The following PPCDC variants were observed in gnomAD, a reference collection of about 807,000 sequenced individuals.
The protein encoded by PPCDC is phosphopantothenoylcysteine decarboxylase.
Under a neutral mutation model 20.7 loss-of-function variants are expected in PPCDC, and 20 were observed. The ratio of observed to expected loss-of-function variants is 0.97; its 90% CI spans 0.68 to 1.41. The LOEUF (loss-of-function observed/expected upper bound fraction) is 1.41. Ranked by LOEUF, PPCDC falls within the 40% of genes most tolerant of loss-of-function variation. The pLI, the probability that PPCDC is intolerant of heterozygous loss-of-function variation, is 0.00. For synonymous variants in PPCDC, 88 were observed against 100.3 expected (o/e 0.88, Z 0.73); for missense variants, 246 against 263.8 (o/e 0.93, Z 0.47).
At chr15:75,041,776 G>C (rs887492179) in intron 2 of PPCDC, among the ~76,000 whole-genome samples, 7 of 152,324 alleles carry the variant, frequency 4.6e-5, no homozygotes, top group African/African-American at 1.2e-4. Context: ...TTCTTCCTCA[G>C]TCTTCTTCTC....
chr15:75,025,334 AG>A (rs1220445810), intron 1 of PPCDC, among the ~76,000 whole-genome samples: 2 of 152,196 alleles, frequency 1.3e-5, no homozygotes, highest in Non-Finnish European at 2.9e-5. Context: ...TCTTAGGCTC[AG>A]TTCTCATCCT....
At chr15:75,039,863 CA>C (rs1595907402) in intron 2 of PPCDC, among the ~76,000 whole-genome samples, 2 of 151,668 alleles carry the variant, frequency 1.3e-5, no homozygotes. Context: ...CAGCTCACTG[CA>C]ACCTCCACCT....
chr15:75,031,954 G>T (rs1342401651), intron 2 of PPCDC, among the ~76,000 whole-genome samples: 1 of 152,148 alleles, frequency 6.6e-6, no homozygotes, highest in Non-Finnish European at 1.5e-5. Context: ...GATAATAAAA[G>T]ATGCCTCAGC....
At chr15:75,026,425 G>A (rs777827216) in intron 1 of PPCDC, among the ~76,000 whole-genome samples, 3 of 152,234 alleles carry the variant, frequency 2.0e-5, no homozygotes, top group Non-Finnish European at 2.9e-5. Context: ...TTGGGGCCCT[G>A]CAGTGGAGCA....
At chr15:75,033,930 G>A (rs946269474) in intron 2 of PPCDC, among the ~76,000 whole-genome samples, 1 of 152,154 alleles carries the variant, frequency 6.6e-6, no homozygotes, top group African/African-American at 2.4e-5. Context: ...TCTGAAGTTG[G>A]GGAAGCACAC....
intron 2 of PPCDC, among the ~76,000 whole-genome samples, chr15:75,042,611 C>CCA (rs1392751337): frequency 6.7e-6 from 1 of 148,768 alleles, no homozygotes; most frequent in Non-Finnish European, 1.5e-5. Context: ...CGAGATCATA[C>CCA]CACTGCACTC....
chr15:75,038,868 C>G (rs1567056703), intron 2 of PPCDC, among the ~76,000 whole-genome samples: 1 of 150,682 alleles, frequency 6.6e-6, no homozygotes, highest in Non-Finnish European at 1.5e-5. Flanking sequence ...GTTTCTTTAT[C>G]TTTTTTTTTC....
At chr15:75,029,633 A>G (rs993561409) in intron 2 of PPCDC, among the ~76,000 whole-genome samples, 2 of 152,150 alleles carry the variant, frequency 1.3e-5, no homozygotes, top group African/African-American at 4.8e-5. Flanking sequence ...CAGCCAGGCC[A>G]GAGTGGGGGA....
intron 1 of PPCDC, 118 bp downstream of exon 1, chr15:75,023,744 CCT>C (rs2065931240): frequency 1.3e-5 from 2 of 152,362 alleles, no homozygotes; most frequent in South Asian, 4.1e-4. Flanking sequence ...CTTATTTTCC[CCT>C]GTGTGCCCAT....
In PPCDC at chr15:75,025,703, A is replaced by G. The variant is rs1042385240; in HGVS notation, c.-73+2077A>G. ...GCTCAGGAGTTCCTGTGAATTCAGCAGAGCCCGGGGAAGTCAGGTACTACA... is the reference window on the plus strand; with the variant it reads ...GCTCAGGAGTTCCTGTGAATTCAGCGGAGCCCGGGGAAGTCAGGTACTACA... On this transcript the variant is annotated intron_variant, in intron 1 of 5. Coordinates refer to ENST00000342932, the MANE Select transcript of PPCDC (RefSeq NM_021823.5). Among the ~76,000 whole-genome samples the G allele has an allele frequency of 2.2e-4, 34 of 152,210 alleles. 1 individual carries two copies. Among genetic ancestry groups the G allele is most frequent in the African/African-American group, 7.7e-4 (32 of 41,458 alleles).
At chr15:75,026,078 C>G (rs982758830) in intron 1 of PPCDC, among the ~76,000 whole-genome samples, 1 of 152,088 alleles carries the variant, frequency 6.6e-6, no homozygotes, top group Non-Finnish European at 1.5e-5. Context: ...GATTCCTGCC[C>G]CAAGTTTAAC....
intron 1 of PPCDC, among the ~76,000 whole-genome samples, chr15:75,027,438 G>C (rs2065971464): frequency 6.6e-6 from 1 of 152,112 alleles, no homozygotes; most frequent in Non-Finnish European, 1.5e-5. Flanking sequence ...GGGGTGGCCT[G>C]CATCCCCTTT....
At chr15:75,044,931 G>T in intron 4 of PPCDC, 1 of 190,772 alleles carries the variant, frequency 5.2e-6, no homozygotes, top group Non-Finnish European at 1.1e-5. Flanking sequence ...TGTAATTGGG[G>T]GTTCACTTCT....
chr15:75,045,336 G>A (rs556828960), intron 4 of PPCDC, among the ~76,000 whole-genome samples: 6 of 152,336 alleles, frequency 3.9e-5, no homozygotes, highest in East Asian at 1.9e-4. Flanking sequence ...CACCCATGCC[G>A]TTGGGAAGGG....
chr15:75,048,887 AG>A (rs2066276282), intron 5 of PPCDC, among the ~76,000 whole-genome samples, 166 bp downstream of exon 5: 1 of 152,184 alleles, frequency 6.6e-6, no homozygotes. Flanking sequence ...CCAGATTGGT[AG>A]GGTAAAATGG....
intron 2 of PPCDC, among the ~76,000 whole-genome samples, chr15:75,029,955 C>G (rs957760674): frequency 6.6e-6 from 1 of 152,226 alleles, no homozygotes; most frequent in African/African-American, 2.4e-5. Flanking sequence ...CCATCCCACG[C>G]AGCCAGCGTT....
rs369337100 is a variant in PPCDC, at chr15:75,049,286, C to T, written c.*51C>T. 44 of 1,552,768 alleles carry T rather than the reference C, an allele frequency of 2.8e-5. No individual in the cohort carries two copies. The Admixed American group carries it at 5.8e-4, about 20-fold the overall frequency. Reference sequence around the variant, plus strand: ...CTCTGTACTCAGAATGGGTTCAGGCCAAGTCGGTGAAGATGGATGTTGGCA... The same window carrying T: ...CTCTGTACTCAGAATGGGTTCAGGCTAAGTCGGTGAAGATGGATGTTGGCA... On this transcript the variant is annotated 3_prime_UTR_variant, in exon 6 of 6. Transcript: ENST00000342932.
In PPCDC at chr15:75,046,130, G is replaced by A. The variant is rs1040759491; in HGVS notation, c.360+1616G>A. Among the ~76,000 whole-genome samples, 17 of 152,290 alleles carry A rather than the reference G, an allele frequency of 1.1e-4. No individual in the cohort carries two copies. In the East Asian group the frequency reaches 1.9e-3, roughly 17 times the overall value. On this transcript the variant is annotated intron_variant, in intron 4 of 5. Coordinates refer to ENST00000342932, the MANE Select transcript of PPCDC (RefSeq NM_021823.5). ...CTCAGGAGGCTGAGGTGGGAGGATC[G>A]CTTGAGTCCAGGAGGTCAAGGCTGC...
chr15:75,047,052 C>T lies in PPCDC; in HGVS notation c.361-1501C>T, dbSNP rs796813505. ...ATGTCACCGTGGGAACCGAGGCTCTCTTCTCCTCCTGCCTGCTTTCGTGGG... is the reference window on the plus strand; with the variant it reads ...ATGTCACCGTGGGAACCGAGGCTCTTTTCTCCTCCTGCCTGCTTTCGTGGG... On this transcript the variant is annotated intron_variant, in intron 4 of 5. Coordinates refer to ENST00000342932, the MANE Select transcript of PPCDC (RefSeq NM_021823.5). Among the ~76,000 whole-genome samples, 8 of 152,388 alleles carry T rather than the reference C, an allele frequency of 5.2e-5. 1 individual carries two copies. Among genetic ancestry groups the T allele is most frequent in the African/African-American group, 1.9e-4 (8 of 41,592 alleles).
Sources: gnomAD v4.1 joint callset for allele counts (sites outside exome capture counted in the v4.1 genomes callset) on GRCh38, gnomAD v4.1.1 for gene constraint, MANE v1.5 for transcripts, NCBI Gene and HGNC (gene_info 2026-07-23, HGNC 2026-07-21) for gene names.